ZNHIT6: variants seen among roughly 807,000 people sequenced by gnomAD.
The protein encoded by ZNHIT6 is box C/D snoRNA protein 1.
Under a neutral mutation model 57.2 loss-of-function variants are expected in ZNHIT6, and 45 were observed. The ratio of observed to expected loss-of-function variants is 0.79; its 90% CI spans 0.62 to 1.01. The LOEUF (loss-of-function observed/expected upper bound fraction) is 1.01, where lower values mean the gene tolerates loss of function less well. ZNHIT6 is among the 50% of genes least tolerant of loss of function. ZNHIT6 has a pLI of 0.00. For missense variants in ZNHIT6, 528 were observed against 567.3 expected (o/e 0.93, Z 0.70); for synonymous variants, 188 against 190.0 (o/e 0.99, Z 0.09).
intron 6 of ZNHIT6, among the ~76,000 whole-genome samples, chr1:85,680,376 A>G (rs1661840838): frequency 6.6e-6 from 1 of 151,664 alleles, no homozygotes; most frequent in Non-Finnish European, 1.5e-5. Context: ...GCATGGTAGA[A>G]TTTTGGGTCA....
intron 8 of ZNHIT6, among the ~76,000 whole-genome samples, chr1:85,667,961 A>AAAAAAAAAAAAAAAATGT: frequency 5.5e-5 from 1 of 18,202 alleles, no homozygotes; most frequent in African/African-American, 2.1e-4. Flanking sequence ...AAAAAAAAAA[A>AAAAAAAAAAAAAAAATGT]ATATATATAT....
rs565992087 is a variant in ZNHIT6, at chr1:85,652,936, A to G, written c.*1122T>C. On this transcript the variant is annotated 3_prime_UTR_variant, in exon 10 of 10. Transcript: ENST00000370574. ...TGTATACAGAGCTGCCATAACGTAT[A>G]AGTTAAGCCATGTATATACATTAAT... 6.6e-6 allele frequency: 1 copy of G among 152,340 alleles called. No individual in the cohort carries two copies. The highest frequency in any genetic ancestry group is 2.4e-5 in the African/African-American group (1 of 41,574). The allele number at this position is 152,340 out of a possible 1,614,324, so 9.4% of individuals were successfully genotyped here.
chr1:85,705,145 A>G (rs1662647642), intron 4 of ZNHIT6, among the ~76,000 whole-genome samples: 1 of 152,236 alleles, frequency 6.6e-6, no homozygotes. Context: ...GTTTTTCAAA[A>G]GGCAAATTTA....
Position 85,707,848 on chromosome 1 carries a change from ACCT to A in ZNHIT6, c.434_436del (p.Glu145del). 6.2e-7 allele frequency: 1 copy of A among 1,613,450 alleles called. No homozygotes were observed. ...TTCCTTCACTTCTGACCAGTCCATT[ACCT>A]CTTCCTTTACCTTCTCTTCCTTTAC... On this transcript the variant is annotated inframe_deletion, in exon 1 of 10. Transcript: ENST00000370574.
rs535284765 is a variant in ZNHIT6 at position 85,676,803 on chromosome 1, C to T, written c.1247+433G>A. Among the ~76,000 whole-genome samples, 7 of 152,212 alleles carry T rather than the reference C, an allele frequency of 4.6e-5. No individual in the cohort carries two copies. In the South Asian group the frequency reaches 1.2e-3, roughly 27 times the overall value. ...GTCACCATAACAGATATAGTGCTAA[C>T]GAAAAAGTTTGAAATATTGCAAGAA... On this transcript the variant is annotated intron_variant, in intron 8 of 9. Coordinates refer to ENST00000370574, the MANE Select transcript of ZNHIT6 (RefSeq NM_017953.4).
rs530566278 is a variant in ZNHIT6 at position 85,667,913 on chromosome 1, A to G, written c.1247+9323T>C. 2.2e-3 allele frequency among the ~76,000 whole-genome samples: 300 copies of G among 133,912 alleles called. 2 individuals are homozygous for G. Among genetic ancestry groups the G allele is most frequent in the African/African-American group, 7.9e-3 (285 of 35,936 alleles). The allele number at this position is 133,912 out of a possible 152,430, so 87.9% of individuals were successfully genotyped here. ...TGCGCGACTGCACTCTAGCCTGGGC[A>G]ACAGAGTGAGACTCATTCACTCACT... On this transcript the variant is annotated intron_variant, in intron 8 of 9. Transcript: ENST00000370574.
In ZNHIT6 at chr1:85,706,311, C is replaced by G. The variant is rs1424229580; in HGVS notation, c.767G>C (p.Gly256Ala). The change falls in exon 3 of 10, where the codon GGA becomes GCA. Residue 256 changes from glycine to alanine, a missense_variant. By Grantham distance (60) the Gly-to-Ala change is moderately conservative. Transcript: ENST00000370574. Reference protein sequence around the residue: ...KKHKAELTCNGVRDKTAYISI... With the variant: ...KKHKAELTCNAVRDKTAYISI... ...AATGTATGCAGTTTTATCTCGAACT[C>G]CATTACATGTCAGTTCTGCTTTGTG... The G allele has an allele frequency of 1.9e-6, 3 of 1,613,628 alleles. No homozygotes were observed. The highest frequency in any genetic ancestry group is 1.7e-5 in the Admixed American group (1 of 60,000).
rs1661085785 is a variant in ZNHIT6 at position 85,657,258 on chromosome 1, A to G, written c.1372+589T>C. The stretch of plus-strand genomic sequence containing the variant: ...AGTTCTAGTACTTCCCTATATCACA[A>G]AATCAGAGAAACAAAATCAGAGAAA... On this transcript the variant is annotated intron_variant, in intron 9 of 9. Coordinates refer to ENST00000370574, the MANE Select transcript of ZNHIT6 (RefSeq NM_017953.4). Among the ~76,000 whole-genome samples the G allele has an allele frequency of 2.0e-5, 3 of 152,070 alleles. No individual in the cohort carries two copies. The South Asian group carries it at 6.2e-4, about 31-fold the overall frequency.
At position 85,680,948 on chromosome 1, in the gene ZNHIT6, A is replaced by T. The variant is rs1280505842; in HGVS notation, c.1020-44T>A. 3.5e-6 allele frequency: 5 copies of T among 1,439,836 alleles called. No individual in the cohort carries two copies. In the African/African-American group the frequency reaches 7.0e-5, roughly 20 times the overall value. The allele number at this position is 1,439,836 out of a possible 1,614,324, so 89.2% of individuals were successfully genotyped here. On this transcript the variant is annotated intron_variant, in intron 5 of 9. Transcript: ENST00000370574. Reference sequence around the variant, plus strand: ...ATGTGAGAATCAAGGTAGATAATAAAAGTCTGGATGCAAATTGAACTTTCT... The same window carrying T: ...ATGTGAGAATCAAGGTAGATAATAATAGTCTGGATGCAAATTGAACTTTCT...
At chr1:85,663,489 T>C (rs1462309405) in intron 8 of ZNHIT6, among the ~76,000 whole-genome samples, 1 of 152,242 alleles carries the variant, frequency 6.6e-6, no homozygotes, top group Non-Finnish European at 1.5e-5. Flanking sequence ...TTATAAGCAT[T>C]AGCCTGGCAT....
At chr1:85,677,923 G>A (rs1051059784) in intron 7 of ZNHIT6, among the ~76,000 whole-genome samples, 5 of 152,092 alleles carry the variant, frequency 3.3e-5, no homozygotes, top group Non-Finnish European at 5.9e-5. Context: ...AACAATCTCC[G>A]TTTTCGAGTA....
intron 4 of ZNHIT6, among the ~76,000 whole-genome samples, chr1:85,705,059 G>A (rs1662645755): frequency 6.6e-6 from 1 of 152,128 alleles, no homozygotes; most frequent in Non-Finnish European, 1.5e-5. Context: ...AGGATCATGG[G>A]AAGAGCTGCA....
intron 5 of ZNHIT6, among the ~76,000 whole-genome samples, chr1:85,685,320 T>C (rs1661998027): frequency 6.6e-6 from 1 of 152,162 alleles, no homozygotes; most frequent in South Asian, 2.1e-4. Context: ...AAATAAATCA[T>C]GGTACATCTA....
At chr1:85,696,852 CTTT>C (rs67507264) in intron 5 of ZNHIT6, among the ~76,000 whole-genome samples, 8 of 113,672 alleles carry the variant, frequency 7.0e-5, no homozygotes, top group Non-Finnish European at 7.0e-5. Flanking sequence ...ACCATCTATT[CTTT>C]TTTTTTTTTT....
intron 5 of ZNHIT6, among the ~76,000 whole-genome samples, chr1:85,696,908 T>C (rs1468144199): frequency 6.7e-6 from 1 of 149,344 alleles, no homozygotes; most frequent in Non-Finnish European, 1.5e-5. Flanking sequence ...GCTGGAGTGC[T>C]GGAGTGCAGT....
intron 8 of ZNHIT6, among the ~76,000 whole-genome samples, chr1:85,658,585 A>ATG (rs947059712): frequency 2.7e-5 from 4 of 150,920 alleles, no homozygotes; most frequent in Non-Finnish European, 5.9e-5. Flanking sequence ...TATAATATTT[A>ATG]TGTTGGCCGG....
At chr1:85,705,214 T>C (rs1662649524) in intron 4 of ZNHIT6, among the ~76,000 whole-genome samples, 1 of 152,106 alleles carries the variant, frequency 6.6e-6, no homozygotes, top group Non-Finnish European at 1.5e-5. Flanking sequence ...CTCACCAGTT[T>C]CTTTTCTTTT....
chr1:85,663,070 T>C lies in ZNHIT6; in HGVS notation c.1248-5099A>G, dbSNP rs114432302. 2.3e-3 allele frequency among the ~76,000 whole-genome samples: 345 copies of C among 152,180 alleles called. 3 individuals carry two copies. Among genetic ancestry groups the C allele is most frequent in the African/African-American group, 8.1e-3 (335 of 41,524 alleles). ...ATCACTGGTCCTTATGAGCTATAAC[T>C]CCACAAGGAGACTCAGTTTTGCCCA... On this transcript the variant is annotated intron_variant, in intron 8 of 9. Transcript: ENST00000370574.
At chr1:85,699,308 AT>A (rs1284116028) in intron 5 of ZNHIT6, among the ~76,000 whole-genome samples, 2 of 152,042 alleles carry the variant, frequency 1.3e-5, no homozygotes, top group Non-Finnish European at 2.9e-5. Flanking sequence ...TTAAATGTCT[AT>A]TTTTTCCTCT....
Sources: allele counts gnomAD v4.1 joint callset (sites outside exome capture counted in the v4.1 genomes callset), GRCh38; gene constraint gnomAD v4.1.1; transcripts MANE v1.5; gene names NCBI Gene and HGNC (gene_info 2026-07-23, HGNC 2026-07-21).